Variants in IGF2BP2 observed in about 807,000 individuals in gnomAD.
IGF2BP2 encodes insulin-like growth factor 2 mRNA-binding protein 2.
IGF2BP2 carries 17 observed loss-of-function variants against 75.8 expected under a neutral mutation model. The observed-to-expected ratio is 0.22, with a 90% CI of 0.15 to 0.34. The LOEUF is 0.34. IGF2BP2 is among the 10% of genes least tolerant of loss of function. IGF2BP2 has a pLI of 1.00. For synonymous variants in IGF2BP2, 288 were observed against 295.6 expected (o/e 0.97, Z 0.26); for missense variants, 516 against 772.4 (o/e 0.67, Z 3.93).
chr3:185,704,942 A>G (rs568059034), intron 2 of IGF2BP2, among the ~76,000 whole-genome samples: 2 of 152,268 alleles, frequency 1.3e-5, no homozygotes, highest in Non-Finnish European at 2.9e-5. Flanking sequence ...TGTGTTCAAC[A>G]TAAATAAACT....
chr3:185,796,564 CAA>C (rs60331633), intron 2 of IGF2BP2, among the ~76,000 whole-genome samples: 5 of 71,792 alleles, frequency 7.0e-5, no homozygotes, highest in Non-Finnish European at 8.3e-5. Context: ...CATTCCGTCT[CAA>C]AAAAAAAAAA....
At chr3:185,646,231 A>C (rs1713517957) in intron 15 of IGF2BP2, among the ~76,000 whole-genome samples, 1 of 152,150 alleles carries the variant, frequency 6.6e-6, no homozygotes, top group Non-Finnish European at 1.5e-5. Context: ...CTCTGACTGC[A>C]GAAGACTCAA....
chr3:185,810,768 T>C (rs1739694137), intron 2 of IGF2BP2, among the ~76,000 whole-genome samples: 1 of 116,952 alleles, frequency 8.6e-6, no homozygotes, highest in Non-Finnish European at 1.6e-5. Flanking sequence ...CGAGACTCTG[T>C]CTCAAAAAAA....
At chr3:185,710,375 C>T (rs1241786110) in intron 2 of IGF2BP2, among the ~76,000 whole-genome samples, 4 of 152,172 alleles carry the variant, frequency 2.6e-5, no homozygotes, top group Middle Eastern at 3.4e-3. Context: ...TTTCCCAACA[C>T]GCAGAGTCTG....
chr3:185,659,763 C>T (rs1560239914), intron 10 of IGF2BP2, among the ~76,000 whole-genome samples: 1 of 151,686 alleles, frequency 6.6e-6, no homozygotes, highest in Non-Finnish European at 1.5e-5. Flanking sequence ...TTAATCCTCA[C>T]AACAGTCCTA....
intron 2 of IGF2BP2, among the ~76,000 whole-genome samples, chr3:185,772,577 CTTTTTTTTTTT>C (rs368068706): frequency 8.5e-6 from 1 of 118,204 alleles, no homozygotes; most frequent in Non-Finnish European, 1.7e-5. Flanking sequence ...CCTTCTCTCT[CTTTTTTTTTTT>C]TTTTTTTTTT....
chr3:185,789,081 C>A (rs576021187), intron 2 of IGF2BP2, among the ~76,000 whole-genome samples: 1 of 152,072 alleles, frequency 6.6e-6, no homozygotes, highest in East Asian at 1.9e-4. Flanking sequence ...TATTCACAGG[C>A]CACTGCGAAT....
chr3:185,775,157 T>C (rs921446384), intron 2 of IGF2BP2, among the ~76,000 whole-genome samples: 1 of 152,226 alleles, frequency 6.6e-6, no homozygotes, highest in Non-Finnish European at 1.5e-5. Flanking sequence ...ACTGACCTCA[T>C]AGGACTGTTC....
chr3:185,650,493 ATGGTG>A (rs1288734333), intron 13 of IGF2BP2, among the ~76,000 whole-genome samples: 1 of 152,110 alleles, frequency 6.6e-6, no homozygotes, highest in Non-Finnish European at 1.5e-5. Flanking sequence ...CCTGGTCATC[ATGGTG>A]AAAACCCATC....
chr3:185,801,828 T>C (rs1560493456), intron 2 of IGF2BP2, among the ~76,000 whole-genome samples: 1 of 152,158 alleles, frequency 6.6e-6, no homozygotes, highest in Non-Finnish European at 1.5e-5. Context: ...CATGGAATAC[T>C]ATGTAGCCAT....
In IGF2BP2 at chr3:185,757,948, TCATATCTGAAGAGACTAACCTTTATTAA is replaced by T. The variant is rs1731864047; in HGVS notation, c.240-59629_240-59602del. Among the ~76,000 whole-genome samples the T allele has an allele frequency of 2.6e-5, 4 of 152,232 alleles. No homozygotes were observed. In the South Asian group the frequency reaches 8.3e-4, roughly 31 times the overall value. ...TATTTATATAGCCAAGTCAACTGGC[TCATATCTGAAGAGACTAACCTTTATTAA>T]CACTATGCTCCAAAATCAACTGGGC... is the stretch of plus-strand genomic sequence containing the variant. On this transcript the variant is annotated intron_variant, in intron 2 of 15. Transcript: ENST00000382199.
intron 10 of IGF2BP2, among the ~76,000 whole-genome samples, chr3:185,664,064 G>A (rs1716903236): frequency 6.6e-6 from 1 of 152,198 alleles, no homozygotes; most frequent in Non-Finnish European, 1.5e-5. Context: ...CAGTGTTGTG[G>A]ACATAGCTTT....
intron 2 of IGF2BP2, among the ~76,000 whole-genome samples, chr3:185,800,708 G>C (rs544674424): frequency 2.9e-5 from 2 of 69,330 alleles, no homozygotes; most frequent in African/African-American, 1.6e-4. Flanking sequence ...CTTGGTGACT[G>C]AGCCAAAAAA....
intron 2 of IGF2BP2, among the ~76,000 whole-genome samples, chr3:185,757,568 G>A (rs1014952408): frequency 2.0e-5 from 3 of 150,018 alleles, no homozygotes; most frequent in African/African-American, 4.9e-5. Context: ...GGGTTCAGGT[G>A]ATTTTTCCCA....
In IGF2BP2 at chr3:185,675,764, C is replaced by T. The variant is rs1321908392; in HGVS notation, c.935+27G>A. On this transcript the variant is annotated intron_variant, in intron 8 of 15. Transcript: ENST00000382199. The stretch of plus-strand genomic sequence containing the variant: ...AATGCTCAGGTGTTCCATTATTGGG[C>T]ATGAGTAATCTGAGTAAGTGGCTTA... 3.1e-6 allele frequency: 5 copies of T among 1,608,994 alleles called. No individual in the cohort carries two copies. In the East Asian group the frequency reaches 6.7e-5, roughly 22 times the overall value.
Position 185,757,675 on chromosome 3 carries a change from G to A in IGF2BP2, c.240-59328C>T, listed in dbSNP as rs527656188. 4.6e-5 allele frequency among the ~76,000 whole-genome samples: 7 copies of A among 152,098 alleles called. No homozygotes were observed. In the East Asian group the frequency reaches 1.4e-3, roughly 29 times the overall value. On this transcript the variant is annotated intron_variant, in intron 2 of 15. Transcript: ENST00000382199. ...AGATGGGGTTTCGCCATGTTGCCCA[G>A]GCTGGTCTCAAACTCCTAGCCTTAA...
At chr3:185,786,384 TAAA>T (rs1381770997) in intron 2 of IGF2BP2, among the ~76,000 whole-genome samples, 1 of 152,062 alleles carries the variant, frequency 6.6e-6, no homozygotes, top group African/African-American at 2.4e-5. Context: ...CTGAAGCAAG[TAAA>T]GAATCACAAA....
At chr3:185,807,547 G>A (rs182879651) in intron 2 of IGF2BP2, among the ~76,000 whole-genome samples, 24 of 152,250 alleles carry the variant, frequency 1.6e-4, no homozygotes, top group South Asian at 2.1e-4. Flanking sequence ...ATTAAGTATC[G>A]TTTCAATTTG....
chr3:185,703,303 G>A (rs1211874290), intron 2 of IGF2BP2, among the ~76,000 whole-genome samples: 1 of 152,216 alleles, frequency 6.6e-6, no homozygotes, highest in African/African-American at 2.4e-5. Context: ...ATCTTTGGCT[G>A]TAGATACCCA....
Sources: allele counts gnomAD v4.1 joint callset (sites outside exome capture counted in the v4.1 genomes callset), GRCh38; gene constraint gnomAD v4.1.1; transcripts MANE v1.5; gene names NCBI Gene and HGNC (gene_info 2026-07-23, HGNC 2026-07-21).